The following PCDHGB2 variants were observed in gnomAD, a reference collection of about 807,000 sequenced individuals.
The protein encoded by PCDHGB2 is protocadherin gamma-B2.
In PCDHGB2, 55 loss-of-function variants were observed where a neutral mutation model predicts 59.3. The ratio of observed to expected loss-of-function variants is 0.93; its 90% CI spans 0.75 to 1.16. The LOEUF (loss-of-function observed/expected upper bound fraction) is 1.16, where lower values mean the gene tolerates loss of function less well. Among genes scored for constraint, PCDHGB2 ranks in the 50% most tolerant of loss-of-function variants. PCDHGB2 has a pLI of 0.00. For missense variants in PCDHGB2, 1,228 were observed against 1,198.5 expected (o/e 1.02, Z -0.36); for synonymous variants, 516 against 512.0 (o/e 1.01, Z -0.11).
At chr5:141,474,426 C>T (rs2099349464) in intron 1 of PCDHGB2, among the ~76,000 whole-genome samples, 1 of 152,198 alleles carries the variant, frequency 6.6e-6, no homozygotes, top group Non-Finnish European at 1.5e-5. Context: ...ACCATTGGTC[C>T]TCACACTTTG....
intron 3 of PCDHGB2, among the ~76,000 whole-genome samples, chr5:141,509,633 GA>G (rs2099877629): frequency 6.6e-6 from 1 of 152,204 alleles, no homozygotes; most frequent in Non-Finnish European, 1.5e-5. Flanking sequence ...GGGTGATGCT[GA>G]GCCAGGGCCA....
At chr5:141,473,470 A>G (rs555568617) in intron 1 of PCDHGB2, among the ~76,000 whole-genome samples, 2 of 151,816 alleles carry the variant, frequency 1.3e-5, no homozygotes, top group South Asian at 4.2e-4. Flanking sequence ...AGTTGTGCCA[A>G]GTTCAATGGA....
intron 1 of PCDHGB2, chr5:141,374,086 G>T: frequency 6.5e-7 from 1 of 1,529,104 alleles, no homozygotes. Context: ...AGCCAGTAAT[G>T]GCGCCTCCGC....
intron 1 of PCDHGB2, chr5:141,399,579 C>T: frequency 6.2e-7 from 1 of 1,614,026 alleles, no homozygotes; most frequent in South Asian, 1.1e-5. Context: ...GCCAAGTCTC[C>T]TACTCTATCA....
chr5:141,458,018 A>G (rs1361716104), intron 1 of PCDHGB2, among the ~76,000 whole-genome samples: 1 of 152,188 alleles, frequency 6.6e-6, no homozygotes, highest in Admixed American at 6.5e-5. Flanking sequence ...GGTTTTTCCA[A>G]TTGTGTTCTG....
intron 1 of PCDHGB2, chr5:141,422,139 A>G (rs2096627272): frequency 6.3e-7 from 1 of 1,588,154 alleles, no homozygotes. Context: ...AAGTTCAAGT[A>G]CGGGGGTCTC....
chr5:141,403,215 G>A (rs2150961720), intron 1 of PCDHGB2: 1 of 1,613,996 alleles, frequency 6.2e-7, no homozygotes, highest in South Asian at 1.1e-5. Flanking sequence ...GTCACCGCGG[G>A]TAGGATAGAC....
rs368232567 is a variant in PCDHGB2, at chr5:141,371,262, C to G, written c.2421+8706C>G. The G allele has an allele frequency of 2.9e-5, 46 of 1,613,882 alleles. No individual in the cohort carries two copies. The African/African-American group carries it at 5.6e-4, about 20-fold the overall frequency. On this transcript the variant is annotated intron_variant, in intron 1 of 3. Transcript: ENST00000522605. ...CATCAATATTGGCAAGGAAGTGAGACAACTGTTCAAGCTGGACAGTAAAAC... is the reference window on the plus strand; with the variant it reads ...CATCAATATTGGCAAGGAAGTGAGAGAACTGTTCAAGCTGGACAGTAAAAC...
At chr5:141,433,096 C>A in intron 1 of PCDHGB2, 3 of 1,614,118 alleles carry the variant, frequency 1.9e-6, no homozygotes, top group Non-Finnish European at 2.5e-6. Context: ...CAGACATGCT[C>A]GTCAGCCAGG....
chr5:141,419,738 C>T (rs745596534), intron 1 of PCDHGB2: 2 of 1,613,796 alleles, frequency 1.2e-6, no homozygotes, highest in Non-Finnish European at 1.7e-6. Flanking sequence ...AGGCGAGGTG[C>T]GCATGGTGCG....
chr5:141,367,034 G>A, intron 1 of PCDHGB2: 2 of 369,536 alleles, frequency 5.4e-6, no homozygotes, highest in South Asian at 8.1e-5. Flanking sequence ...TGGAACTGCA[G>A]TTCTATTAAT....
Position 141,410,849 on chromosome 5 carries a change from C to CTTTTTTTTT in PCDHGB2, c.2421+48307_2421+48315dup, listed in dbSNP as rs759346998. 1.7e-3 allele frequency: 239 copies of CTTTTTTTTT among 138,144 alleles called. 16 individuals are homozygous for CTTTTTTTTT. Among genetic ancestry groups the CTTTTTTTTT allele is most frequent in the African/African-American group, 4.5e-3 (75 of 16,616 alleles). 8.6% of individuals were successfully genotyped at this position (138,144 alleles called of 1,614,324 possible). On this transcript the variant is annotated intron_variant, in intron 1 of 3. Coordinates refer to ENST00000522605, the MANE Select transcript of PCDHGB2 (RefSeq NM_018923.3). ...CAGACTGAAGATATTTTGTCTTTGT[C>CTTTTTTTTT]TTTTTTTTTTTTTTTTTTTTTTGAG...
At chr5:141,509,908 G>A (rs376035312) in intron 3 of PCDHGB2, among the ~76,000 whole-genome samples, 1 of 152,164 alleles carries the variant, frequency 6.6e-6, no homozygotes, top group African/African-American at 2.4e-5. Flanking sequence ...TCCAGCATGC[G>A]CTTAGGTACA....
chr5:141,371,872 C>T (rs1206900205), intron 1 of PCDHGB2: 3 of 1,613,534 alleles, frequency 1.9e-6, no homozygotes, highest in East Asian at 2.2e-5. Flanking sequence ...TACATCGTGG[C>T]CAGTGACCTG....
chr5:141,512,275 A>G lies in PCDHGB2; in HGVS notation c.*1102A>G, dbSNP rs368275103. 1 of 152,730 alleles carries G rather than the reference A, an allele frequency of 6.5e-6. No individual in the cohort carries two copies. The highest frequency in any genetic ancestry group is 2.1e-4 in the South Asian group (1 of 4,824). The allele number at this position is 152,730 out of a possible 1,614,324, so 9.5% of individuals were successfully genotyped here. ...GGGTGCTGGGTACTCCAGAGGTGCC[A>G]CTGGTGGAAGGGTCAGCGGAGCCCC... On this transcript the variant is annotated 3_prime_UTR_variant, in exon 4 of 4. Transcript: ENST00000522605.
chr5:141,501,530 G>T (rs556760554), intron 2 of PCDHGB2, among the ~76,000 whole-genome samples: 1 of 151,998 alleles, frequency 6.6e-6, no homozygotes, highest in East Asian at 1.9e-4. Flanking sequence ...AGCCCAGTAC[G>T]TTGTTGTGCA....
chr5:141,405,016 C>A (rs538744733), intron 1 of PCDHGB2: 1 of 1,614,006 alleles, frequency 6.2e-7, no homozygotes, highest in African/African-American at 1.3e-5. Flanking sequence ...AGGCCTCAGA[C>A]CTTACCCTCT....
At chr5:141,479,476 G>A (rs1481785254) in intron 1 of PCDHGB2, 1 of 152,250 alleles carries the variant, frequency 6.6e-6, no homozygotes, top group African/African-American at 2.4e-5. Context: ...CCTCTTGGGA[G>A]GGCAGGACCA....
chr5:141,403,713 A>C (rs2094445702), intron 1 of PCDHGB2: 3 of 1,613,946 alleles, frequency 1.9e-6, no homozygotes, highest in Non-Finnish European at 2.5e-6. Flanking sequence ...GTCCTTGAGA[A>C]CGTGCCCCCA....
Sources: allele counts gnomAD v4.1 joint callset (sites outside exome capture counted in the v4.1 genomes callset), GRCh38; gene constraint gnomAD v4.1.1; transcripts MANE v1.5; gene names NCBI Gene and HGNC (gene_info 2026-07-23, HGNC 2026-07-21).